Variants in PHACTR3 observed in about 807,000 individuals in gnomAD.
The protein encoded by PHACTR3 is phosphatase and actin regulator 3, also known as protein phosphatase 1, regulatory subunit 123.
A neutral mutation model predicts 66.8 loss-of-function variants in PHACTR3; 16 were observed. The observed-to-expected ratio is 0.24, with a 90% CI of 0.16 to 0.36. The LOEUF is 0.36. Among genes scored for constraint, PHACTR3 ranks in the 10% least tolerant of loss-of-function variants. PHACTR3 has a pLI of 1.00. For synonymous variants in PHACTR3, 323 were observed against 292.1 expected, an observed-to-expected ratio of 1.11 and a Z score of -1.08; for missense variants, 647 against 719.9, an observed-to-expected ratio of 0.90 and a Z score of 1.16.
At chr20:59,603,167 G>A (rs1025218291), upstream of PHACTR3, among the ~76,000 whole-genome samples, 11 of 152,260 alleles carry the variant, frequency 7.2e-5, 1 homozygote, top group African/African-American at 4.8e-5. Flanking sequence ...GATCTTAATT[G>A]CCAACTGTAA....
At chr20:59,695,824 T>C (rs2037277212) in intron 1 of PHACTR3, among the ~76,000 whole-genome samples, 1 of 151,804 alleles carries the variant, frequency 6.6e-6, no homozygotes, top group Non-Finnish European at 1.5e-5. Context: ...TGTCCACCTC[T>C]CGGGTTCAAG....
intron 1 of PHACTR3, among the ~76,000 whole-genome samples, chr20:59,722,149 G>T (rs906012425): frequency 6.6e-6 from 1 of 152,076 alleles, no homozygotes; most frequent in South Asian, 2.1e-4. Context: ...GGAGAATGGT[G>T]TGAACCTGGG....
chr20:59,605,004 C>G lies in PHACTR3; in HGVS notation c.-11C>G. On this transcript the variant is annotated 5_prime_UTR_variant, in exon 1 of 13. Transcript: ENST00000371015. ...GGCTCGCTCTAACTTGCCCCCGCGC[C>G]GGCCGGGCCCATGGCCGCGTCGGAG... The G allele has an allele frequency of 7.6e-7, 1 of 1,307,456 alleles. No homozygotes were observed. The allele number at this position is 1,307,456 out of a possible 1,614,324, so 81.0% of individuals were successfully genotyped here.
intron 5 of PHACTR3, among the ~76,000 whole-genome samples, chr20:59,768,409 G>A (rs77511051): frequency 3.9e-5 from 6 of 152,174 alleles, no homozygotes; most frequent in Admixed American, 2.0e-4. Flanking sequence ...GGGTAGGCAC[G>A]AGGTGCCCCA....
At chr20:59,811,077 A>G (rs1386683140) in intron 8 of PHACTR3, among the ~76,000 whole-genome samples, 2 of 152,356 alleles carry the variant, frequency 1.3e-5, no homozygotes, top group Admixed American at 6.5e-5. Flanking sequence ...AGGTGGTACT[A>G]TCATCTCCAT....
At chr20:59,746,143 T>C (rs1246167562) in intron 2 of PHACTR3, among the ~76,000 whole-genome samples, 1 of 152,308 alleles carries the variant, frequency 6.6e-6, no homozygotes, top group East Asian at 1.9e-4. Context: ...GAAAGGAAAT[T>C]CTGTTTTCTC....
At position 59,773,351 on chromosome 20, in the gene PHACTR3, C is replaced by G; in HGVS notation, c.824C>G (p.Pro275Arg). The G allele has an allele frequency of 6.2e-7, 1 of 1,614,212 alleles. No individual in the cohort carries two copies. Among genetic ancestry groups the G allele is most frequent in the Non-Finnish European group, 8.5e-7 (1 of 1,180,042 alleles). ...TCCCTCCGGGGCCAGCTCTCCACAC[C>G]CACGGGGTCTCCGCATCTCACCACG... ...DPSLRGQLSTPTGSPHLTTVH... is the reference protein window; with the variant it reads ...DPSLRGQLSTRTGSPHLTTVH... The change falls in exon 6 of 13, where the codon CCC becomes CGC. Residue 275 changes from proline to arginine, a missense_variant. Coordinates refer to ENST00000371015, the MANE Select transcript of PHACTR3 (RefSeq NM_080672.5).
At chr20:59,737,926 C>G (rs75099024) in intron 1 of PHACTR3, among the ~76,000 whole-genome samples, 2,480 of 152,270 alleles carry the variant, frequency 0.016, 83 homozygotes, top group African/African-American at 0.057. Context: ...GCCCTCAGCT[C>G]TGCTGTGAGG....
chr20:59,700,094 C>T (rs1601135382), intron 1 of PHACTR3, among the ~76,000 whole-genome samples: 1 of 152,298 alleles, frequency 6.6e-6, no homozygotes, highest in South Asian at 2.1e-4. Context: ...TGGATTTATT[C>T]GTGTTATTCA....
chr20:59,673,496 T>C (rs542101120), intron 1 of PHACTR3, among the ~76,000 whole-genome samples: 63 of 152,206 alleles, frequency 4.1e-4, no homozygotes, highest in African/African-American at 1.5e-3. Flanking sequence ...TGGATTCTCT[T>C]AGACCTGCTC....
chr20:59,817,013 A>G (rs1479535611), intron 8 of PHACTR3, among the ~76,000 whole-genome samples: 1 of 152,228 alleles, frequency 6.6e-6, no homozygotes, highest in Non-Finnish European at 1.5e-5. Context: ...CCATCCATCC[A>G]TGCAACTGTC....
chr20:59,825,165 C>T (rs1357723743), intron 8 of PHACTR3, among the ~76,000 whole-genome samples: 1 of 152,190 alleles, frequency 6.6e-6, no homozygotes, highest in East Asian at 1.9e-4. Flanking sequence ...CCCTAACTGG[C>T]CAGCTTGGTG....
At chr20:59,643,708 T>C (rs1159926449) in intron 1 of PHACTR3, among the ~76,000 whole-genome samples, 1 of 152,136 alleles carries the variant, frequency 6.6e-6, no homozygotes, top group African/African-American at 2.4e-5. Flanking sequence ...GGCGAGAAGC[T>C]GAGAGGGAGT....
chr20:59,832,312 C>T (rs767776291), intron 8 of PHACTR3, among the ~76,000 whole-genome samples: 32 of 152,232 alleles, frequency 2.1e-4, no homozygotes, highest in Non-Finnish European at 8.8e-5. Flanking sequence ...CCCAACTCTG[C>T]ATGAAGAGTT....
intron 1 of PHACTR3, among the ~76,000 whole-genome samples, chr20:59,596,574 A>T (rs1287905115): frequency 1.3e-5 from 2 of 152,238 alleles, no homozygotes; most frequent in African/African-American, 4.8e-5. Flanking sequence ...AATGTAGCTC[A>T]ATTTAATGCC....
intron 7 of PHACTR3, among the ~76,000 whole-genome samples, chr20:59,778,309 C>T (rs972994557): frequency 1.3e-5 from 2 of 152,166 alleles, no homozygotes; most frequent in African/African-American, 4.8e-5. Flanking sequence ...CCACATCCTC[C>T]CTAGTGCCTG....
At chr20:59,836,730 A>T (rs2058974458) in intron 9 of PHACTR3, among the ~76,000 whole-genome samples, 170 bp downstream of exon 9, 1 of 152,156 alleles carries the variant, frequency 6.6e-6, no homozygotes, top group South Asian at 2.1e-4. Flanking sequence ...GAAAGCTGAT[A>T]TACCTAGAAA....
chr20:59,721,214 C>G (rs982093667), intron 1 of PHACTR3: 7 of 152,304 alleles, frequency 4.6e-5, no homozygotes, highest in African/African-American at 1.7e-4. Context: ...AGCTTGCATT[C>G]AAACCCAGTC....
chr20:59,621,206 C>G (rs1231911689), intron 1 of PHACTR3, among the ~76,000 whole-genome samples: 2 of 152,242 alleles, frequency 1.3e-5, no homozygotes, highest in Non-Finnish European at 2.9e-5. Context: ...GGCTCCCATG[C>G]CTGCTTCCGC....
Sources: gnomAD v4.1 joint callset for allele counts (sites outside exome capture counted in the v4.1 genomes callset) on GRCh38, gnomAD v4.1.1 for gene constraint, MANE v1.5 for transcripts, NCBI Gene and HGNC (gene_info 2026-07-23, HGNC 2026-07-21) for gene names.